The following ANP32B variants were observed in gnomAD, a reference collection of about 807,000 sequenced individuals.
ANP32B encodes acidic leucine-rich nuclear phosphoprotein 32 family member B.
ANP32B carries 6 observed loss-of-function variants against 32.2 expected under a neutral mutation model. The observed-to-expected ratio is 0.19, with a 90% CI of 0.10 to 0.37. The LOEUF is 0.37. Among genes scored for constraint, ANP32B ranks in the 10% least tolerant of loss-of-function variants. ANP32B has a pLI of 1.00. For missense variants in ANP32B, 204 were observed against 289.2 expected, an observed-to-expected ratio of 0.71 and a Z score of 2.14; for synonymous variants, 98 against 105.8, an observed-to-expected ratio of 0.93 and a Z score of 0.45.
rs931935482 is a variant in ANP32B at position 97,994,791 on chromosome 9, T to G, written c.204+11T>G. On this transcript the variant is annotated intron_variant, in intron 2 of 6. Coordinates refer to ENST00000339399, the MANE Select transcript of ANP32B (RefSeq NM_006401.3). ...CCTAAATTGAAAAAGGTAAGTGCTTTTTCTTTAACAGTAAAAGAGAACGAT... is the reference window on the plus strand; with the variant it reads ...CCTAAATTGAAAAAGGTAAGTGCTTGTTCTTTAACAGTAAAAGAGAACGAT... 2 of 1,579,152 alleles carry G rather than the reference T, an allele frequency of 1.3e-6. No individual in the cohort carries two copies. The highest frequency in any genetic ancestry group is 2.7e-5 in the African/African-American group (2 of 72,920).
At chr9:97,995,900 TG>T (rs1276309356) in intron 2 of ANP32B, among the ~76,000 whole-genome samples, 1 of 143,046 alleles carries the variant, frequency 7.0e-6, no homozygotes, top group East Asian at 2.0e-4. Context: ...CATTCCAGCC[TG>T]GGCGACAGAG....
intron 1 of ANP32B, among the ~76,000 whole-genome samples, chr9:97,984,404 C>G (rs1827663422): frequency 6.6e-6 from 1 of 151,492 alleles, no homozygotes; most frequent in South Asian, 2.1e-4. Context: ...TCCTGCCTCC[C>G]AGGGGCAGCC....
At chr9:97,986,407 T>A (rs1827735532) in intron 1 of ANP32B, 1 of 152,136 alleles carries the variant, frequency 6.6e-6, no homozygotes, top group Admixed American at 6.6e-5. Context: ...CAGCTAAGAT[T>A]GTGGGGGTAG....
intron 1 of ANP32B, among the ~76,000 whole-genome samples, chr9:97,983,936 A>T (rs1339456963): frequency 2.6e-5 from 4 of 151,732 alleles, no homozygotes; most frequent in Admixed American, 2.6e-4. Flanking sequence ...GGGGTTGTGT[A>T]ACGCTGGGAG....
intron 2 of ANP32B, among the ~76,000 whole-genome samples, chr9:97,997,272 GA>G (rs1000477007): frequency 8.6e-5 from 13 of 152,026 alleles, no homozygotes; most frequent in African/African-American, 3.1e-4. Context: ...CCATTGAAAG[GA>G]AAAAATGTTT....
At chr9:97,999,823 G>A (rs1827960727) in intron 3 of ANP32B, among the ~76,000 whole-genome samples, 1 of 152,192 alleles carries the variant, frequency 6.6e-6, no homozygotes, top group African/African-American at 2.4e-5. Context: ...CAGTTTGTAG[G>A]GCAGCCCCAC....
At chr9:97,991,761 G>A (rs1827828564) in intron 1 of ANP32B, among the ~76,000 whole-genome samples, 1 of 152,166 alleles carries the variant, frequency 6.6e-6, no homozygotes, top group Admixed American at 6.5e-5. Flanking sequence ...AAATACAGAA[G>A]ACATTTTAAG....
At chr9:98,007,338 T>C (rs1315738798) in intron 4 of ANP32B, among the ~76,000 whole-genome samples, 1 of 152,196 alleles carries the variant, frequency 6.6e-6, no homozygotes, top group Non-Finnish European at 1.5e-5. Context: ...TGTTCCTCTT[T>C]GAGCTAGCAC....
chr9:97,987,787 A>C (rs1414809786), intron 1 of ANP32B: 1 of 152,140 alleles, frequency 6.6e-6, no homozygotes, highest in Non-Finnish European at 1.5e-5. Context: ...AAAAATGTAG[A>C]TTGTCTTTAA....
chr9:97,987,380 G>A (rs1430888015), intron 1 of ANP32B: 1 of 152,196 alleles, frequency 6.6e-6, no homozygotes, highest in Non-Finnish European at 1.5e-5. Flanking sequence ...AGTTCACTGA[G>A]AGTAAATTGA....
chr9:98,015,291 G>A, intron 6 of ANP32B, 73 bp from the exon 7 acceptor site: 1 of 1,531,480 alleles, frequency 6.5e-7, no homozygotes, highest in Non-Finnish European at 8.8e-7. Flanking sequence ...CTTTGTTGTT[G>A]TTGCCTCCAT....
intron 2 of ANP32B, among the ~76,000 whole-genome samples, chr9:97,996,750 C>T (rs1827912644): frequency 6.6e-6 from 1 of 151,960 alleles, no homozygotes; most frequent in African/African-American, 2.4e-5. Flanking sequence ...TGCACCACCA[C>T]GCCTGGCTAC....
chr9:98,002,655 T>C (rs912340113), intron 3 of ANP32B, among the ~76,000 whole-genome samples: 1 of 152,198 alleles, frequency 6.6e-6, no homozygotes, highest in Non-Finnish European at 1.5e-5. Flanking sequence ...AAACTACTGA[T>C]TGGCATGTCC....
chr9:98,015,366 G>C lies in ANP32B; in HGVS notation c.691G>C (p.Glu231Gln). 1 of 1,551,068 alleles carries C rather than the reference G, an allele frequency of 6.4e-7. No homozygotes were observed. Among genetic ancestry groups the C allele is most frequent in the South Asian group, 1.2e-5 (1 of 84,030 alleles). ...AGTCAATTTTTGTTACTGTACAGAG[G>C]AGGAAGAAGGTGGGAAAGGTGAAAA... The part of the protein sequence containing the change: ...EDEDEDEDEE[E>Q]EEGGKGEKRK... Residue 231 changes from glutamate to glutamine, a missense_variant and splice_region_variant, in exon 7 of 7, where the codon GAG becomes CAG. Physicochemically the swap from Glu to Gln is conservative, Grantham distance 29 (BLOSUM62 2). Transcript: ENST00000339399.
chr9:97,991,924 T>C (rs914534701), intron 1 of ANP32B, among the ~76,000 whole-genome samples: 2 of 152,226 alleles, frequency 1.3e-5, no homozygotes, highest in South Asian at 2.1e-4. Flanking sequence ...CAGGTTTTCA[T>C]CTTAGTCCCC....
intron 1 of ANP32B, among the ~76,000 whole-genome samples, chr9:97,987,079 T>G (rs1483312968): frequency 3.9e-5 from 6 of 152,236 alleles, no homozygotes; most frequent in Non-Finnish European, 5.9e-5. Context: ...TACTAGGGTC[T>G]TCTTCAGTTC....
At chr9:97,995,405 A>G (rs980916369) in intron 2 of ANP32B, among the ~76,000 whole-genome samples, 3 of 152,236 alleles carry the variant, frequency 2.0e-5, no homozygotes, top group African/African-American at 7.2e-5. Flanking sequence ...ATGTGGTTAT[A>G]TAAGTCTTGC....
intron 1 of ANP32B, among the ~76,000 whole-genome samples, chr9:97,988,966 A>T (rs1023714424): frequency 6.6e-6 from 1 of 152,204 alleles, no homozygotes; most frequent in African/African-American, 2.4e-5. Flanking sequence ...TTTATGGCAG[A>T]GACAGCTGGT....
Position 97,995,646 on chromosome 9 carries a change from C to G in ANP32B, c.204+866C>G, listed in dbSNP as rs372386117. On this transcript the variant is annotated intron_variant, in intron 2 of 6. Coordinates refer to ENST00000339399, the MANE Select transcript of ANP32B (RefSeq NM_006401.3). ...GTTAAGTATAATACATGAGGCCAGT[C>G]ATGGTGGCTCACGTCTGTAATCCCA... 4.6e-4 allele frequency among the ~76,000 whole-genome samples: 70 copies of G among 152,140 alleles called. 2 individuals are homozygous for G. In the South Asian group the frequency reaches 0.015, roughly 32 times the overall value.
Sources: gnomAD v4.1 joint callset for allele counts (sites outside exome capture counted in the v4.1 genomes callset) on GRCh38, gnomAD v4.1.1 for gene constraint, MANE v1.5 for transcripts, NCBI Gene and HGNC (gene_info 2026-07-23, HGNC 2026-07-21) for gene names.